The following IHO1 variants were observed in gnomAD, a reference collection of about 807,000 sequenced individuals.
The protein encoded by IHO1 is interactor of HORMAD1 protein 1.
Under a neutral mutation model 31.0 loss-of-function variants are expected in IHO1, and 13 were observed. The observed-to-expected ratio is 0.42, with a 90% CI of 0.27 to 0.67. IHO1 has a LOEUF of 0.67. IHO1 is among the 30% of genes least tolerant of loss of function. The pLI, the probability that IHO1 is intolerant of heterozygous loss-of-function variation, is 0.24. For missense variants in IHO1, 599 were observed against 687.5 expected (o/e 0.87, Z 1.44); for synonymous variants, 221 against 248.4 (o/e 0.89, Z 1.04).
At chr3:49,237,184 C>G (rs998185292) in intron 3 of IHO1, among the ~76,000 whole-genome samples, 1 of 151,900 alleles carries the variant, frequency 6.6e-6, no homozygotes, top group East Asian at 1.9e-4. Context: ...CCCGCCTCTA[C>G]TAAAAATACA....
chr3:49,255,491 G>A lies in IHO1; in HGVS notation c.634G>A (p.Ala212Thr). The A allele has an allele frequency of 6.3e-7, 1 of 1,592,716 alleles. No individual in the cohort carries two copies. Among genetic ancestry groups the A allele is most frequent in the Non-Finnish European group, 8.5e-7 (1 of 1,172,174 alleles). ...AILEMKKRFE[A>T]RQGEFIEMKS... Reference sequence around the variant, plus strand: ...CCTTGAGATGAAGAAAAGATTTGAAGCTGTAAGTGTAAACCCCAACCTCTT... The same window carrying A: ...CCTTGAGATGAAGAAAAGATTTGAAACTGTAAGTGTAAACCCCAACCTCTT... Residue 212 changes from alanine (A) to threonine (T), a missense_variant and splice_region_variant, in exon 7 of 8, where the codon GCT (alanine) becomes ACT (threonine). Physicochemically the swap from Ala to Thr is moderately conservative, Grantham distance 58 (BLOSUM62 0). Transcript: ENST00000452691.
chr3:49,225,256 G>C (rs768577563), intron 2 of IHO1, among the ~76,000 whole-genome samples: 1 of 152,276 alleles, frequency 6.6e-6, no homozygotes, highest in East Asian at 1.9e-4. Context: ...ATCAGGTCAG[G>C]AGTTCAAGAC....
At chr3:49,227,647 T>A (rs1233490823) in intron 2 of IHO1, among the ~76,000 whole-genome samples, 3 of 152,150 alleles carry the variant, frequency 2.0e-5, no homozygotes, top group Non-Finnish European at 4.4e-5. Context: ...TACCAATGCA[T>A]TCTTGAAAAC....
intron 2 of IHO1, among the ~76,000 whole-genome samples, chr3:49,221,739 A>G (rs1385340065): frequency 6.6e-6 from 1 of 152,202 alleles, no homozygotes; most frequent in Non-Finnish European, 1.5e-5. Context: ...CTATAGACTG[A>G]TGGCCTCGAT....
upstream of IHO1, among the ~76,000 whole-genome samples, chr3:49,194,722 C>T (rs2045988043): frequency 6.8e-6 from 1 of 146,588 alleles, no homozygotes. Flanking sequence ...ATGGCGAAAC[C>T]CCATCACTAC....
chr3:49,204,976 C>T (rs368342547), intron 1 of IHO1, among the ~76,000 whole-genome samples: 16 of 151,452 alleles, frequency 1.1e-4, no homozygotes, highest in East Asian at 2.0e-4. Flanking sequence ...TGCAGTGAGC[C>T]GAGATCGTGC....
At position 49,211,710 on chromosome 3, in the gene IHO1, C is replaced by A. The variant is rs2046218759; in HGVS notation, c.-15-56C>A. On this transcript the variant is annotated intron_variant, in intron 1 of 7. Coordinates refer to ENST00000452691, the MANE Select transcript of IHO1 (RefSeq NM_001135197.2). ...TGTACATATAATAGTCACTAGTAATCTTTGGAAAAAATTATACTGTTAACT... is the reference window on the plus strand; with the variant it reads ...TGTACATATAATAGTCACTAGTAATATTTGGAAAAAATTATACTGTTAACT... 15 of 819,398 alleles carry A rather than the reference C, an allele frequency of 1.8e-5. No individual in the cohort carries two copies. In the East Asian group the frequency reaches 4.0e-4, roughly 22 times the overall value. The allele number at this position is 819,398 out of a possible 1,614,324, so 50.8% of individuals were successfully genotyped here.
chr3:49,232,318 C>A (rs983950189), intron 2 of IHO1, among the ~76,000 whole-genome samples: 2 of 152,188 alleles, frequency 1.3e-5, no homozygotes, highest in Non-Finnish European at 1.5e-5. Flanking sequence ...ACAATTGAAT[C>A]TAGCATGATT....
intron 6 of IHO1, among the ~76,000 whole-genome samples, chr3:49,247,428 C>G (rs1451518003): frequency 6.6e-6 from 1 of 151,292 alleles, no homozygotes; most frequent in Non-Finnish European, 1.5e-5. Context: ...GACAAGGTTT[C>G]ATCATGTTGG....
intron 1 of IHO1, among the ~76,000 whole-genome samples, chr3:49,200,131 A>G (rs943568939): frequency 6.6e-6 from 1 of 152,252 alleles, no homozygotes; most frequent in Middle Eastern, 3.4e-3. Context: ...AACTTTCTGC[A>G]GTGGAGGAAC....
intron 2 of IHO1, among the ~76,000 whole-genome samples, chr3:49,218,161 T>A (rs1341150003): frequency 6.6e-6 from 1 of 152,016 alleles, no homozygotes; most frequent in African/African-American, 2.4e-5. Context: ...TGGCTCTCCC[T>A]TCCCTTCAGG....
chr3:49,200,594 C>T (rs987450745), intron 1 of IHO1: 49 of 984,182 alleles, frequency 5.0e-5, no homozygotes, highest in Non-Finnish European at 5.3e-5. Context: ...GCGGTCCTCT[C>T]CCCCTCACGT....
chr3:49,241,183 T>C (rs752856736), intron 3 of IHO1, 43 bp from the exon 4 acceptor site: 68 of 1,501,514 alleles, frequency 4.5e-5, no homozygotes, highest in Non-Finnish European at 2.8e-5. Flanking sequence ...ATGCTATAAA[T>C]ATTTTTATGT....
intron 3 of IHO1, among the ~76,000 whole-genome samples, chr3:49,240,385 G>C (rs921604966): frequency 6.6e-6 from 1 of 152,080 alleles, no homozygotes; most frequent in Non-Finnish European, 1.5e-5. Context: ...CAGCATGCCC[G>C]GCTAATTTTT....
At position 49,236,732 on chromosome 3, in the gene IHO1, G is replaced by A. The variant is rs755512634; in HGVS notation, c.231+10G>A. ...ACAGAACTATCTGGAGGTGAGTCTG[G>A]TTTCCAGAATTGATCTGCACACATT... On this transcript the variant is annotated intron_variant, in intron 3 of 7. Coordinates refer to ENST00000452691, the MANE Select transcript of IHO1 (RefSeq NM_001135197.2). The A allele has an allele frequency of 9.1e-5, 146 of 1,606,190 alleles. No individual in the cohort carries two copies. The highest frequency in any genetic ancestry group is 1.1e-4 in the Non-Finnish European group (133 of 1,176,952).
intron 6 of IHO1, among the ~76,000 whole-genome samples, chr3:49,248,205 G>A (rs1234914382): frequency 1.3e-5 from 2 of 150,748 alleles, no homozygotes; most frequent in East Asian, 2.0e-4. Flanking sequence ...GGCAGATCAC[G>A]GGGTCAGGAG....
chr3:49,255,353 G>C (rs1398234360), intron 6 of IHO1, 37 bp from the exon 7 acceptor site: 2 of 1,431,188 alleles, frequency 1.4e-6, no homozygotes, highest in Non-Finnish European at 1.9e-6. Flanking sequence ...ACCATACATA[G>C]TCTTCAGGAG....
rs1202220039 is a variant in IHO1 at position 49,211,006 on chromosome 3, G to T, written c.-15-760G>T. ...CCACTGCTCCTGGCCTCTCCATTTAGTTTTTTTTTTTTTTTTTTTGAGCTG... is the reference window on the plus strand; with the variant it reads ...CCACTGCTCCTGGCCTCTCCATTTATTTTTTTTTTTTTTTTTTTTGAGCTG... On this transcript the variant is annotated intron_variant, in intron 1 of 7. Transcript: ENST00000452691. Among the ~76,000 whole-genome samples, 40 of 116,698 alleles carry T rather than the reference G, an allele frequency of 3.4e-4. No homozygotes were observed. The South Asian group carries it at 6.7e-3, about 20-fold the overall frequency. 76.6% of individuals were successfully genotyped at this position (116,698 alleles called of 152,430 possible).
At position 49,256,284 on chromosome 3, in the gene IHO1, G is replaced by T. The variant is rs2046820754; in HGVS notation, c.787G>T (p.Val263Leu). ...VLAELKRLISVPPVKDSASQT... is the reference protein window; with the variant it reads ...VLAELKRLISLPPVKDSASQT... The stretch of plus-strand genomic sequence containing the variant: ...AGCAGAGCTGAAGAGATTGATCTCA[G>T]TGCCTCCAGTGAAAGACAGTGCTTC... The change falls in exon 8 of 8, where the codon GTG becomes TTG. Residue 263 changes from valine to leucine, a missense_variant. Val to Leu is a conservative substitution (Grantham distance 32, BLOSUM62 1). Transcript: ENST00000452691. This position sits in a 1 kb window ranked among gnomAD's most constrained non-coding sequence, Gnocchi z 4.6. 1 of 1,614,198 alleles carries T rather than the reference G, an allele frequency of 6.2e-7. No homozygotes were observed. Among genetic ancestry groups the T allele is most frequent in the Non-Finnish European group, 8.5e-7 (1 of 1,180,048 alleles).
Sources: gnomAD v4.1 joint callset for allele counts (sites outside exome capture counted in the v4.1 genomes callset) on GRCh38, gnomAD v4.1.1 for gene constraint, Gnocchi (gnomAD v3.1) non-coding constraint, MANE v1.5 for transcripts, NCBI Gene and HGNC (gene_info 2026-07-23, HGNC 2026-07-21) for gene names.